Variants in KLHL24 observed in about 807,000 individuals in gnomAD.
KLHL24 encodes the protein kelch like family member 24.
KLHL24 carries 29 observed loss-of-function variants against 53.4 expected under a neutral mutation model. The ratio of observed to expected loss-of-function variants is 0.54; its 90% CI spans 0.40 to 0.74. KLHL24 has a LOEUF of 0.74. KLHL24 is among the 30% of genes least tolerant of loss of function. The pLI is 0.00. For missense variants in KLHL24, 504 were observed against 744.0 expected, an observed-to-expected ratio of 0.68 and a Z score of 3.75; for synonymous variants, 222 against 253.7, an observed-to-expected ratio of 0.88 and a Z score of 1.19.
intron 3 of KLHL24, among the ~76,000 whole-genome samples, chr3:183,662,392 T>G (rs10755140): frequency 0.33 from 50,698 of 151,440 alleles, 9,302 homozygotes; most frequent in African/African-American, 0.49. Flanking sequence ...CTGATGTGGG[T>G]TTTTTTTTCC....
At chr3:183,673,478 CTTG>C (rs1468505957) in intron 7 of KLHL24, among the ~76,000 whole-genome samples, 3 of 151,902 alleles carry the variant, frequency 2.0e-5, no homozygotes, top group Non-Finnish European at 4.4e-5. Flanking sequence ...TGTTCCCAAA[CTTG>C]TTGTTTCTTT....
rs1013748905 is a variant in KLHL24 at position 183,667,291 on chromosome 3, C to T, written c.1224+2252C>T. 3.9e-5 allele frequency among the ~76,000 whole-genome samples: 6 copies of T among 152,188 alleles called. No homozygotes were observed. The East Asian group carries it at 5.8e-4, about 15-fold the overall frequency. On this transcript the variant is annotated intron_variant, in intron 5 of 7. Transcript: ENST00000242810. ...ATTAGCCGGGCATGGTGGTCCGCAC[C>T]GGTAGTCCCAGCTACTCGGGAGGCT...
chr3:183,675,968 A>T (rs1326782815), intron 7 of KLHL24, among the ~76,000 whole-genome samples: 1 of 152,210 alleles, frequency 6.6e-6, no homozygotes, highest in Non-Finnish European at 1.5e-5. Context: ...CACATGGCAC[A>T]TTTTCTCTAA....
intron 5 of KLHL24, among the ~76,000 whole-genome samples, chr3:183,666,153 T>A (rs1452870047): frequency 2.6e-5 from 4 of 152,192 alleles, no homozygotes; most frequent in Non-Finnish European, 5.9e-5. Context: ...AGGGCTGGGA[T>A]TATAGTTATG....
chr3:183,668,780 C>G (rs1720927888), intron 5 of KLHL24, among the ~76,000 whole-genome samples: 1 of 152,090 alleles, frequency 6.6e-6, no homozygotes, highest in Non-Finnish European at 1.5e-5. Context: ...TGGCGGACAC[C>G]TGTAATCCCG....
intron 3 of KLHL24, among the ~76,000 whole-genome samples, chr3:183,656,192 A>T (rs1260250900): frequency 2.0e-5 from 3 of 151,792 alleles, no homozygotes; most frequent in Admixed American, 1.3e-4. Context: ...GTACATCACC[A>T]TCCCTGGCTT....
rs748024647 is a variant in KLHL24 at position 183,654,482 on chromosome 3, T to TA, written c.920+3207dup. On this transcript the variant is annotated intron_variant, in intron 3 of 7. Coordinates refer to ENST00000242810, the MANE Select transcript of KLHL24 (RefSeq NM_017644.3). ...AATTTTATATATCTTATTTATTTTT[T>TA]ATTGCATGTATATATTTCTTTTTAA... 2.6e-4 allele frequency among the ~76,000 whole-genome samples: 40 copies of TA among 152,170 alleles called. No individual in the cohort carries two copies. The East Asian group carries it at 4.0e-3, about 15-fold the overall frequency.
At chr3:183,651,410 A>G (rs1184175655) in intron 3 of KLHL24, 134 bp downstream of exon 3, 1 of 633,614 alleles carries the variant, frequency 1.6e-6, no homozygotes, top group African/African-American at 1.8e-5. Flanking sequence ...TTTATTTTGG[A>G]TTATATGTCA....
chr3:183,638,455 C>T (rs1306149280), intron 1 of KLHL24, among the ~76,000 whole-genome samples: 2 of 141,612 alleles, frequency 1.4e-5, no homozygotes, highest in Non-Finnish European at 3.1e-5. Context: ...GTCTATTTGA[C>T]AAAAATTTGG....
In KLHL24 at chr3:183,650,242, AT is replaced by A; in HGVS notation, c.-61-51del. 1.4e-6 allele frequency: 1 copy of A among 719,958 alleles called. No homozygotes were observed. The highest frequency in any genetic ancestry group is 2.8e-4 in the Middle Eastern group (1 of 3,584). 44.6% of individuals were successfully genotyped at this position (719,958 alleles called of 1,614,324 possible). ...GTTTATATTAAAATGAAATTATGTG[AT>A]TTGAATACTGAATTTTTTGCATATT... On this transcript the variant is annotated intron_variant, in intron 2 of 7. Coordinates refer to ENST00000242810, the MANE Select transcript of KLHL24 (RefSeq NM_017644.3). The surrounding 1 kb of genome is among the most constrained non-coding windows in gnomAD (Gnocchi z 4.5).
chr3:183,647,840 TA>T (rs34882053), intron 2 of KLHL24, among the ~76,000 whole-genome samples: 50,846 of 151,794 alleles, frequency 0.33, 9,376 homozygotes, highest in African/African-American at 0.49. Flanking sequence ...CTGTCTCTAC[TA>T]AAAAAAGTAC....
intron 6 of KLHL24, among the ~76,000 whole-genome samples, chr3:183,671,457 T>C (rs1030645726): frequency 6.6e-6 from 1 of 152,220 alleles, no homozygotes; most frequent in African/African-American, 2.4e-5. Context: ...AGACTATCTG[T>C]GTAGAAGTTT....
At chr3:183,646,051 T>TGTG (rs34997108) in intron 2 of KLHL24, among the ~76,000 whole-genome samples, 1,719 of 148,776 alleles carry the variant, frequency 0.012, 15 homozygotes, top group Non-Finnish European at 0.016. Flanking sequence ...GGGTTTTTTG[T>TGTG]TTTGTTTTTT....
intron 1 of KLHL24, among the ~76,000 whole-genome samples, chr3:183,637,690 G>A (rs1191821695): frequency 1.3e-5 from 2 of 152,160 alleles, no homozygotes; most frequent in Non-Finnish European, 2.9e-5. Context: ...CACCCAGGCT[G>A]GAGTGGAGTG....
At chr3:183,643,911 T>C (rs982417404) in intron 2 of KLHL24, among the ~76,000 whole-genome samples, 1 of 152,234 alleles carries the variant, frequency 6.6e-6, no homozygotes. Context: ...AAAAATGTTA[T>C]AATGGTTCAA....
rs1302259815 is a variant in KLHL24 at position 183,651,040 on chromosome 3, G to A, written c.684G>A (p.Met228Ile). The change falls in exon 3 of 8, where the codon ATG becomes ATA. Residue 228 changes from methionine to isoleucine, a missense_variant. Physicochemically the swap from Met to Ile is conservative, Grantham distance 10 (BLOSUM62 1). Transcript: ENST00000242810. ...SDELVIGKEE[M>I]VFEAVMRWVY... is the part of the protein sequence containing the mutation. ...AACTTGTTATTGGTAAAGAGGAGAT[G>A]GTTTTTGAAGCCGTCATGCGTTGGG... 17 of 1,614,038 alleles carry A rather than the reference G, an allele frequency of 1.1e-5. No homozygotes were observed. The highest frequency in any genetic ancestry group is 1.4e-5 in the Non-Finnish European group (17 of 1,180,020).
chr3:183,674,902 T>C (rs1027056760), intron 7 of KLHL24, among the ~76,000 whole-genome samples: 3 of 152,218 alleles, frequency 2.0e-5, no homozygotes, highest in Non-Finnish European at 4.4e-5. Flanking sequence ...ATGCCTGTTT[T>C]ACCTTCTCTA....
In KLHL24 at chr3:183,663,228, A is replaced by T. The variant is rs2108843199; in HGVS notation, c.921-230A>T. Among the ~76,000 whole-genome samples, 1 of 152,240 alleles carries T rather than the reference A, an allele frequency of 6.6e-6. No individual in the cohort carries two copies. Among genetic ancestry groups the T allele is most frequent in the Non-Finnish European group, 1.5e-5 (1 of 68,018 alleles). On this transcript the variant is annotated intron_variant, in intron 3 of 7. Transcript: ENST00000242810. This position sits in a 1 kb window ranked among gnomAD's most constrained non-coding sequence, Gnocchi z 4.9. The stretch of plus-strand genomic sequence containing the variant: ...CAATTTTCAGGTCAAAACCAATAGA[A>T]AAAAATAGCAACAGAAATTTTCTGT...
intron 5 of KLHL24, among the ~76,000 whole-genome samples, chr3:183,667,617 C>A (rs12487341): frequency 6.6e-6 from 1 of 151,926 alleles, no homozygotes; most frequent in South Asian, 2.1e-4. Context: ...ACCAGCCCCC[C>A]ACCCAGACCT....
Sources: allele counts gnomAD v4.1 joint callset (sites outside exome capture counted in the v4.1 genomes callset), GRCh38; gene constraint gnomAD v4.1.1; non-coding constraint Gnocchi (gnomAD v3.1); transcripts MANE v1.5; gene names NCBI Gene and HGNC (gene_info 2026-07-23, HGNC 2026-07-21).